MTUS1: variants seen among roughly 807,000 people sequenced by gnomAD.
MTUS1 encodes microtubule associated scaffold protein 1.
In MTUS1, 109 loss-of-function variants were observed where a neutral mutation model predicts 120.8. The observed-to-expected ratio is 0.90, with a 90% CI of 0.77 to 1.06. MTUS1 has a LOEUF of 1.06. MTUS1 is among the 50% of genes least tolerant of loss of function. The pLI is 0.00. For synonymous variants in MTUS1, 737 were observed against 550.5 expected (o/e 1.34, Z -4.74); for missense variants, 2,210 against 1,486.3 (o/e 1.49, Z -8.01).
intron 2 of MTUS1, chr8:17,748,260 T>C (rs951887107): frequency 1.3e-5 from 2 of 152,214 alleles, no homozygotes; most frequent in Admixed American, 1.3e-4. Flanking sequence ...AAGAGCCAAG[T>C]GTAGATGGCC....
chr8:17,777,452 G>GAAA (rs796475013), intron 1 of MTUS1, among the ~76,000 whole-genome samples: 1 of 107,230 alleles, frequency 9.3e-6, no homozygotes, highest in Non-Finnish European at 2.2e-5. Flanking sequence ...AAAAGAAAAA[G>GAAA]AAAAAAAAAA....
intron 8 of MTUS1, among the ~76,000 whole-genome samples, chr8:17,674,134 T>C (rs1030887776): frequency 2.0e-5 from 3 of 151,702 alleles, no homozygotes; most frequent in South Asian, 2.1e-4. Context: ...AAGATACGAG[T>C]TGACGTAGAA....
chr8:17,728,852 A>G (rs961608261), intron 3 of MTUS1, among the ~76,000 whole-genome samples: 17 of 152,212 alleles, frequency 1.1e-4, no homozygotes, highest in African/African-American at 4.1e-4. Flanking sequence ...AGCAGTGTGC[A>G]GAACTGACTG....
intron 1 of MTUS1, among the ~76,000 whole-genome samples, chr8:17,791,785 C>A (rs535297128): frequency 1.3e-5 from 2 of 152,294 alleles, no homozygotes; most frequent in South Asian, 4.1e-4. Flanking sequence ...CAGATCCAAG[C>A]AACACCTCCA....
At chr8:17,677,918 T>A (rs1349538659) in intron 7 of MTUS1, among the ~76,000 whole-genome samples, 1 of 152,184 alleles carries the variant, frequency 6.6e-6, no homozygotes, top group Non-Finnish European at 1.5e-5. Flanking sequence ...GCAGATGCTG[T>A]GAAAATATAA....
At chr8:17,719,778 G>T (rs1585934604) in intron 4 of MTUS1, among the ~76,000 whole-genome samples, 1 of 151,992 alleles carries the variant, frequency 6.6e-6, no homozygotes, top group Non-Finnish European at 1.5e-5. Context: ...TCCCATTCCT[G>T]TTGTGAGAGA....
chr8:17,700,334 G>C (rs1563226483), intron 6 of MTUS1, among the ~76,000 whole-genome samples: 1 of 151,938 alleles, frequency 6.6e-6, no homozygotes, highest in Non-Finnish European at 1.5e-5. Context: ...GCTGGGCATG[G>C]TGACAGGGGC....
chr8:17,655,805 C>T, intron 9 of MTUS1, 58 bp downstream of exon 9: 2 of 1,476,896 alleles, frequency 1.4e-6, no homozygotes, highest in South Asian at 1.1e-5. Flanking sequence ...TGAAGAGCAA[C>T]CAGGATTCAA....
chr8:17,782,309 T>A (rs898428978), intron 1 of MTUS1, among the ~76,000 whole-genome samples: 4 of 152,244 alleles, frequency 2.6e-5, no homozygotes, highest in African/African-American at 9.6e-5. Context: ...TGTAGTAAGT[T>A]AAATATTCCC....
chr8:17,774,267 T>A (rs1393159452), intron 1 of MTUS1, among the ~76,000 whole-genome samples: 1 of 152,182 alleles, frequency 6.6e-6, no homozygotes, highest in Non-Finnish European at 1.5e-5. Context: ...CACTAGCCCT[T>A]CACATCTGCA....
intron 4 of MTUS1, chr8:17,722,323 G>A: frequency 1.0e-6 from 1 of 969,278 alleles, no homozygotes; most frequent in Non-Finnish European, 1.2e-6. Flanking sequence ...TGCCACAACA[G>A]TTTTTCTAGA....
chr8:17,647,982 G>A (rs1338794213), intron 13 of MTUS1, among the ~76,000 whole-genome samples: 1 of 152,152 alleles, frequency 6.6e-6, no homozygotes, highest in East Asian at 1.9e-4. Context: ...AGGACAACCT[G>A]TTCAGGTTAA....
intron 1 of MTUS1, chr8:17,781,002 T>G (rs971051142): frequency 1.3e-5 from 2 of 152,208 alleles, no homozygotes; most frequent in African/African-American, 2.4e-5. Context: ...TCTAGGAAAC[T>G]CAATGACATT....
chr8:17,667,052 G>A (rs902384718), intron 8 of MTUS1, among the ~76,000 whole-genome samples: 1 of 152,164 alleles, frequency 6.6e-6, no homozygotes, highest in African/African-American at 2.4e-5. Context: ...TTGAGAGACT[G>A]GAGTTAGGAC....
chr8:17,650,615 C>T lies in MTUS1; in HGVS notation c.3385-653G>A, dbSNP rs368263508. On this transcript the variant is annotated intron_variant, in intron 12 of 14. Coordinates refer to ENST00000693296, the MANE Select transcript of MTUS1 (RefSeq NM_001363059.2). ...GTCCCAGCTACTCAGGAGGCTGAGG[C>T]GGGAGGATCAACTGAGCCAGGAGGT... 2.0e-4 allele frequency among the ~76,000 whole-genome samples: 31 copies of T among 152,208 alleles called. No individual in the cohort carries two copies. In the East Asian group the frequency reaches 4.4e-3, roughly 22 times the overall value.
intron 1 of MTUS1, among the ~76,000 whole-genome samples, chr8:17,777,461 A>C (rs2050542851): frequency 6.6e-6 from 1 of 152,004 alleles, no homozygotes; most frequent in Admixed American, 6.6e-5. Context: ...AGAAAAAAAA[A>C]AAAAAAGATG....
intron 6 of MTUS1, among the ~76,000 whole-genome samples, chr8:17,701,171 T>C (rs1049743968): frequency 1.6e-4 from 25 of 152,210 alleles, no homozygotes; most frequent in African/African-American, 5.8e-4. Context: ...TAATATGGAA[T>C]ATTAATCTTT....
rs1424345086 is a variant in MTUS1 at position 17,653,491 on chromosome 8, C to G, written c.3222G>C (p.Lys1074Asn). The change falls in exon 11 of 15, where the codon AAG becomes AAC. Residue 1074 changes from lysine to asparagine, a missense_variant. Coordinates refer to ENST00000693296, the MANE Select transcript of MTUS1 (RefSeq NM_001363059.2). ...ATTTCTTTTCTATTTCATGGCCTTTCTTAATTTCTGGGAAAATAAACGGAT... is the reference window on the plus strand; with the variant it reads ...ATTTCTTTTCTATTTCATGGCCTTTGTTAATTTCTGGGAAAATAAACGGAT... ...KAYEASLSEI[K>N]KGHEIEKKSL... The G allele has an allele frequency of 5.0e-6, 8 of 1,608,466 alleles. No individual in the cohort carries two copies. The highest frequency in any genetic ancestry group is 6.8e-6 in the Non-Finnish European group (8 of 1,177,254).
chr8:17,678,985 C>T (rs966116666), intron 7 of MTUS1, among the ~76,000 whole-genome samples: 3 of 152,046 alleles, frequency 2.0e-5, no homozygotes, highest in Non-Finnish European at 2.9e-5. Context: ...GTGTCTTCTG[C>T]GAAACAGAGT....
Sources: allele counts gnomAD v4.1 joint callset (sites outside exome capture counted in the v4.1 genomes callset), GRCh38; gene constraint gnomAD v4.1.1; transcripts MANE v1.5; gene names NCBI Gene and HGNC (gene_info 2026-07-23, HGNC 2026-07-21).